COL21A1: variants seen among roughly 807,000 people sequenced by gnomAD.
The protein encoded by COL21A1 is collagen alpha-1(XXI) chain.
In COL21A1, 149 loss-of-function variants were observed where a neutral mutation model predicts 137.9. That is an observed-to-expected ratio of 1.08 (90% confidence interval 0.95 to 1.24). COL21A1 has a LOEUF of 1.24. Ranked by LOEUF, COL21A1 falls within the 50% of genes most tolerant of loss-of-function variation. The pLI, the probability that COL21A1 is intolerant of heterozygous loss-of-function variation, is 0.00. For synonymous variants in COL21A1, 456 were observed against 391.5 expected (o/e 1.16, Z -1.95); for missense variants, 1,167 against 1,158.4 (o/e 1.01, Z -0.11).
intron 1 of COL21A1, among the ~76,000 whole-genome samples, chr6:56,371,287 G>C (rs749294905): frequency 6.6e-6 from 1 of 152,190 alleles, no homozygotes; most frequent in Non-Finnish European, 1.5e-5. Flanking sequence ...AGGATTTAGG[G>C]ACTACATTTG....
intron 1 of COL21A1, among the ~76,000 whole-genome samples, chr6:56,274,427 A>C (rs867235061): frequency 1.2e-4 from 18 of 152,186 alleles, no homozygotes; most frequent in African/African-American, 4.1e-4. Context: ...AAATGAAACT[A>C]TCTCTCTTTG....
At chr6:56,225,520 A>T (rs933798149) in intron 1 of COL21A1, among the ~76,000 whole-genome samples, 9 of 152,020 alleles carry the variant, frequency 5.9e-5, no homozygotes, top group African/African-American at 2.2e-4. Context: ...GACAGCAGAG[A>T]CCTGGTATTT....
At chr6:56,097,820 TACATATAA>T (rs1412278468) in intron 17 of COL21A1, among the ~76,000 whole-genome samples, 4 of 67,276 alleles carry the variant, frequency 5.9e-5, no homozygotes, top group African/African-American at 1.7e-4. Context: ...TATATATAAA[TACATATAA>T]ATATATATAA....
chr6:56,286,964 G>C (rs1237324118), intron 1 of COL21A1, among the ~76,000 whole-genome samples: 1 of 152,116 alleles, frequency 6.6e-6, no homozygotes, highest in Non-Finnish European at 1.5e-5. Flanking sequence ...GCTTTTATTT[G>C]AAGATAACAC....
chr6:56,202,990 T>C (rs1272755015), intron 1 of COL21A1, among the ~76,000 whole-genome samples: 1 of 152,174 alleles, frequency 6.6e-6, no homozygotes, highest in Non-Finnish European at 1.5e-5. Context: ...AATGCAGCCT[T>C]TTTCTCTAGC....
chr6:56,132,732 G>A (rs947218480), intron 12 of COL21A1, among the ~76,000 whole-genome samples: 3 of 152,104 alleles, frequency 2.0e-5, no homozygotes, highest in Admixed American at 6.5e-5. Flanking sequence ...ACTTGTCATG[G>A]GAGGAACCCA....
intron 10 of COL21A1, among the ~76,000 whole-genome samples, chr6:56,145,344 A>C (rs968413634): frequency 3.3e-5 from 5 of 152,238 alleles, no homozygotes; most frequent in Middle Eastern, 3.2e-3. Flanking sequence ...AATTGCAGAA[A>C]GAAATTCAAA....
At chr6:56,107,181 C>T (rs1008084910) in intron 16 of COL21A1, among the ~76,000 whole-genome samples, 3 of 152,210 alleles carry the variant, frequency 2.0e-5, no homozygotes, top group African/African-American at 4.8e-5. Flanking sequence ...ACAAAATCAT[C>T]TCAGATGAGA....
intron 1 of COL21A1, among the ~76,000 whole-genome samples, chr6:56,215,816 T>C (rs920478719): frequency 6.6e-6 from 1 of 152,138 alleles, no homozygotes; most frequent in Admixed American, 6.6e-5. Flanking sequence ...GTGATTGTTA[T>C]GGTTGAAAGG....
rs535374418 is a variant in COL21A1 at position 56,348,715 on chromosome 6, G to A, written c.-39+45256C>T. Among the ~76,000 whole-genome samples the A allele has an allele frequency of 3.3e-5, 5 of 152,320 alleles. 1 individual carries two copies. In the East Asian group the frequency reaches 9.6e-4, roughly 29 times the overall value. ...GGGAAGCAAATTTTTCTGCTTTTCTGTTCAAGCTGGGGCCAGCCTCTCTCA... is the reference window on the plus strand; with the variant it reads ...GGGAAGCAAATTTTTCTGCTTTTCTATTCAAGCTGGGGCCAGCCTCTCTCA... On this transcript the variant is annotated intron_variant, in intron 1 of 28. Transcript: ENST00000370819.
At chr6:56,068,550 C>T (rs12201413) in intron 22 of COL21A1, among the ~76,000 whole-genome samples, 22,834 of 151,432 alleles carry the variant, frequency 0.15, 1,758 homozygotes, top group Middle Eastern at 0.22. Context: ...ATTTGACTTG[C>T]ATTTTTAAAC....
At chr6:56,291,619 A>G (rs1764047424) in intron 1 of COL21A1, among the ~76,000 whole-genome samples, 1 of 152,212 alleles carries the variant, frequency 6.6e-6, no homozygotes, top group Admixed American at 6.5e-5. Context: ...GTGGGTTTGG[A>G]GTTGAGAGGC....
intron 1 of COL21A1, among the ~76,000 whole-genome samples, chr6:56,230,822 T>TA (rs567277188): frequency 1.7e-4 from 26 of 152,100 alleles, no homozygotes; most frequent in African/African-American, 6.3e-4. Flanking sequence ...TTTATCAATT[T>TA]AGTTTCAAAT....
At chr6:56,240,652 T>C (rs754711865) in intron 1 of COL21A1, among the ~76,000 whole-genome samples, 3 of 152,102 alleles carry the variant, frequency 2.0e-5, no homozygotes, top group Non-Finnish European at 4.4e-5. Context: ...AATGGTGCTT[T>C]TAACTAAGAA....
chr6:56,328,839 A>G (rs4385303), intron 1 of COL21A1, among the ~76,000 whole-genome samples: 149,992 of 152,150 alleles, frequency 0.99, 73,964 homozygotes, highest in Middle Eastern at 1. Flanking sequence ...AATCAAGCTC[A>G]CAGACGGTCA....
chr6:56,317,316 C>T (rs1764760723), intron 1 of COL21A1, among the ~76,000 whole-genome samples: 1 of 152,132 alleles, frequency 6.6e-6, no homozygotes, highest in Non-Finnish European at 1.5e-5. Context: ...ATGCCTGGCA[C>T]CATGCAAAAT....
At chr6:56,344,397 T>C (rs1359239988) in intron 1 of COL21A1, among the ~76,000 whole-genome samples, 1 of 152,280 alleles carries the variant, frequency 6.6e-6, no homozygotes, top group East Asian at 1.9e-4. Flanking sequence ...CAAATAAATA[T>C]CATAAAAAAT....
Position 56,074,142 on chromosome 6 carries a change from A to T in COL21A1, c.1965+90T>A, listed in dbSNP as rs934509394. 9.5e-6 allele frequency: 8 copies of T among 838,824 alleles called. No individual in the cohort carries two copies. The African/African-American group carries it at 1.2e-4, about 13-fold the overall frequency. The allele number at this position is 838,824 out of a possible 1,614,324, so 52.0% of individuals were successfully genotyped here. A position where few individuals can be genotyped will look rare whatever the true frequency, so the allele number is the denominator to read the frequency against. ...GAATAAAAACCACATTTAAAATACA[A>T]TCAAGGTAGTAGTAAAATTTTCATC... On this transcript the variant is annotated intron_variant, in intron 20 of 29. Coordinates refer to ENST00000244728, the MANE Select transcript of COL21A1 (RefSeq NM_030820.4).
chr6:56,214,641 G>GC (rs1324658899), intron 1 of COL21A1, among the ~76,000 whole-genome samples: 9 of 151,440 alleles, frequency 5.9e-5, no homozygotes, highest in Non-Finnish European at 8.8e-5. Context: ...AACAGTCAAG[G>GC]CCCCCCTTTT....
Sources: allele counts gnomAD v4.1 joint callset (sites outside exome capture counted in the v4.1 genomes callset), GRCh38; gene constraint gnomAD v4.1.1; transcripts MANE v1.5; gene names NCBI Gene and HGNC (gene_info 2026-07-23, HGNC 2026-07-21).